The following PTPRN2 variants were observed in gnomAD, a reference collection of about 807,000 sequenced individuals.
The protein encoded by PTPRN2 is protein tyrosine phosphatase receptor type N2, also known as receptor-type tyrosine-protein phosphatase N2.
In PTPRN2, 74 loss-of-function variants were observed where a neutral mutation model predicts 118.8. The observed-to-expected ratio is 0.62, with a 90% CI of 0.52 to 0.76. PTPRN2 has a LOEUF of 0.76. Among genes scored for constraint, PTPRN2 ranks in the 30% least tolerant of loss-of-function variants. The pLI, the probability that PTPRN2 is intolerant of heterozygous loss-of-function variation, is 0.00. For synonymous variants in PTPRN2, 641 were observed against 608.0 expected (o/e 1.05, Z -0.80); for missense variants, 1,481 against 1,394.4 (o/e 1.06, Z -0.99).
At chr7:157,724,182 G>C (rs1799401768) in intron 12 of PTPRN2, among the ~76,000 whole-genome samples, 1 of 152,102 alleles carries the variant, frequency 6.6e-6, no homozygotes, top group Non-Finnish European at 1.5e-5. Flanking sequence ...GGTGTGGGTG[G>C]AATTTAGGCT....
intron 13 of PTPRN2, among the ~76,000 whole-genome samples, chr7:157,665,316 G>T (rs1375051741): frequency 1.3e-5 from 2 of 152,254 alleles, no homozygotes; most frequent in Non-Finnish European, 2.9e-5. Flanking sequence ...CCTTGAGTTT[G>T]TAAGGATGAG....
At chr7:158,075,403 C>T (rs758535154) in intron 11 of PTPRN2, among the ~76,000 whole-genome samples, 13 of 152,080 alleles carry the variant, frequency 8.5e-5, no homozygotes, top group East Asian at 1.9e-4. Flanking sequence ...CCAGGGGAGG[C>T]GCTCCCGTGC....
chr7:158,567,890 C>G (rs904359188), intron 1 of PTPRN2, among the ~76,000 whole-genome samples: 1 of 152,184 alleles, frequency 6.6e-6, no homozygotes, highest in African/African-American at 2.4e-5. Flanking sequence ...CAAGTCTGGC[C>G]TGGACACAGA....
At chr7:158,337,735 A>G (rs1482288510) in intron 2 of PTPRN2, among the ~76,000 whole-genome samples, 4 of 143,524 alleles carry the variant, frequency 2.8e-5, no homozygotes, top group Admixed American at 6.9e-5. Flanking sequence ...CGTCACTCAC[A>G]ACCACACTCT....
At chr7:158,205,739 G>T (rs1313088423) in intron 3 of PTPRN2, among the ~76,000 whole-genome samples, 2 of 152,214 alleles carry the variant, frequency 1.3e-5, no homozygotes, top group African/African-American at 4.8e-5. Context: ...CCCCTGCAGT[G>T]GCTGTGTGCC....
At chr7:158,200,896 A>C (rs959710837) in intron 4 of PTPRN2, among the ~76,000 whole-genome samples, 2 of 152,240 alleles carry the variant, frequency 1.3e-5, no homozygotes, top group Non-Finnish European at 2.9e-5. Flanking sequence ...ATTATGCTCA[A>C]AAGCAAATTA....
intron 10 of PTPRN2, among the ~76,000 whole-genome samples, chr7:158,100,247 GTGTGT>G (rs1563434433): frequency 6.9e-4 from 20 of 29,070 alleles, no homozygotes; most frequent in African/African-American, 2.9e-3. Flanking sequence ...TCCATGGGGT[GTGTGT>G]GTGTGTGTGT....
At chr7:157,589,671 A>G (rs1800875434) in intron 17 of PTPRN2, among the ~76,000 whole-genome samples, 1 of 152,258 alleles carries the variant, frequency 6.6e-6, no homozygotes, top group African/African-American at 2.4e-5. Context: ...TGAACAAAAC[A>G]GTAAAACCTC....
At chr7:158,149,707 G>T (rs1050814292) in intron 6 of PTPRN2, among the ~76,000 whole-genome samples, 12 of 152,024 alleles carry the variant, frequency 7.9e-5, no homozygotes, top group Admixed American at 2.0e-4. Flanking sequence ...AGGAGGCTAA[G>T]GCAGGAGAAT....
chr7:157,687,969 C>T (rs1324940979), intron 12 of PTPRN2, among the ~76,000 whole-genome samples: 1 of 152,162 alleles, frequency 6.6e-6, no homozygotes, highest in East Asian at 1.9e-4. Flanking sequence ...TTTTCAGAAG[C>T]TATTATCAGA....
At chr7:158,034,873 C>T (rs13236619) in intron 11 of PTPRN2, among the ~76,000 whole-genome samples, 71,164 of 152,174 alleles carry the variant, frequency 0.47, 17,078 homozygotes, top group African/African-American at 0.5. Flanking sequence ...GGCCTGAATT[C>T]GGAGAAGCAG....
intron 15 of PTPRN2, among the ~76,000 whole-genome samples, chr7:157,614,746 T>C (rs932149219): frequency 2.0e-5 from 3 of 152,144 alleles, no homozygotes; most frequent in Non-Finnish European, 4.4e-5. Context: ...GGGGGCCTAG[T>C]GCAGTGGGTC....
chr7:158,146,439 A>T (rs1260789546), intron 6 of PTPRN2, among the ~76,000 whole-genome samples: 2 of 152,142 alleles, frequency 1.3e-5, no homozygotes, highest in Non-Finnish European at 2.9e-5. Flanking sequence ...AAGAAATAAT[A>T]GGCTGGGCTT....
intron 11 of PTPRN2, among the ~76,000 whole-genome samples, chr7:157,993,316 G>A (rs1357874936): frequency 6.6e-6 from 1 of 151,290 alleles, no homozygotes; most frequent in Admixed American, 6.6e-5. Flanking sequence ...TAGGTTGTAT[G>A]ACTTTATGAA....
At position 157,540,394 on chromosome 7, in the gene PTPRN2, C is replaced by T. The variant is rs924415726; in HGVS notation, c.*320G>A. The stretch of plus-strand genomic sequence containing the variant: ...CACTCTTCCTGGAAACCGCCTCGAA[C>T]GTGCTGGCTACTGCATTGTTAACAC... On this transcript the variant is annotated 3_prime_UTR_variant, in exon 23 of 23. Transcript: ENST00000389418. 18 of 214,586 alleles carry T rather than the reference C, an allele frequency of 8.4e-5. No homozygotes were observed. Among genetic ancestry groups the T allele is most frequent in the African/African-American group, 2.8e-4 (12 of 43,354 alleles). 13.3% of individuals were successfully genotyped at this position (214,586 alleles called of 1,614,324 possible). A position where few individuals can be genotyped will look rare whatever the true frequency, so the allele number is the denominator to read the frequency against.
intron 3 of PTPRN2, among the ~76,000 whole-genome samples, chr7:158,269,670 G>C (rs1462298889): frequency 2.0e-5 from 3 of 152,160 alleles, no homozygotes; most frequent in Non-Finnish European, 4.4e-5. Flanking sequence ...CTGCCAGGTG[G>C]TTCTGCCAGG....
intron 3 of PTPRN2, among the ~76,000 whole-genome samples, chr7:158,265,660 C>T (rs1427982256): frequency 6.6e-6 from 1 of 152,232 alleles, no homozygotes; most frequent in African/African-American, 2.4e-5. Flanking sequence ...CAGCAGGAGG[C>T]CTGGCAGAAC....
intron 2 of PTPRN2, among the ~76,000 whole-genome samples, chr7:158,475,627 G>A (rs1820200135): frequency 6.6e-6 from 1 of 152,106 alleles, no homozygotes; most frequent in Non-Finnish European, 1.5e-5. Flanking sequence ...GGGTTTTTAG[G>A]ACATGCCCCT....
rs1814809717 is a variant in PTPRN2, at chr7:158,098,225, G to A, written c.1643+12604C>T. On this transcript the variant is annotated intron_variant, in intron 10 of 22. Coordinates refer to ENST00000389418, the MANE Select transcript of PTPRN2 (RefSeq NM_002847.5). ...CCAGGACTGGGGACCTCGGAGAAGCGCTGGACGCAGCAAGAATCAGGCTTC... is the reference window on the plus strand; with the variant it reads ...CCAGGACTGGGGACCTCGGAGAAGCACTGGACGCAGCAAGAATCAGGCTTC... 2.6e-5 allele frequency among the ~76,000 whole-genome samples: 4 copies of A among 152,328 alleles called. 1 individual carries two copies. The South Asian group carries it at 8.3e-4, about 32-fold the overall frequency.
Sources: gnomAD v4.1 joint callset for allele counts (sites outside exome capture counted in the v4.1 genomes callset) on GRCh38, gnomAD v4.1.1 for gene constraint, MANE v1.5 for transcripts, NCBI Gene and HGNC (gene_info 2026-07-23, HGNC 2026-07-21) for gene names.